Variants in COL8A1 observed in about 807,000 individuals in gnomAD.
The protein encoded by COL8A1 is collagen type VIII alpha 1 chain.
COL8A1 carries 21 observed loss-of-function variants against 42.7 expected under a neutral mutation model. That is an observed-to-expected ratio of 0.49 (90% CI 0.35 to 0.71). COL8A1 has a LOEUF of 0.71. Ranked by LOEUF, COL8A1 falls within the 30% of genes least tolerant of loss-of-function variation. The pLI is 0.01. For missense variants in COL8A1, 788 were observed against 962.4 expected, an observed-to-expected ratio of 0.82 and a Z score of 2.40; for synonymous variants, 367 against 369.1, an observed-to-expected ratio of 0.99 and a Z score of 0.06.
chr3:99,693,221 A>G (rs564028186), intron 1 of COL8A1, among the ~76,000 whole-genome samples: 6 of 152,332 alleles, frequency 3.9e-5, no homozygotes, highest in African/African-American at 1.2e-4. Context: ...AGTATCGCAC[A>G]TGTAATTATG....
Position 99,716,926 on chromosome 3 carries a change from C to T in COL8A1, c.-128-27971C>T, listed in dbSNP as rs187208113. On this transcript the variant is annotated intron_variant, in intron 1 of 3. Transcript: ENST00000652472. Reference sequence around the variant, plus strand: ...GGGAACTCAAAATCCTAATTATTTCCAAGGGGTCTAATTCTTCAGCATTCA... The same window carrying T: ...GGGAACTCAAAATCCTAATTATTTCTAAGGGGTCTAATTCTTCAGCATTCA... Among the ~76,000 whole-genome samples the T allele has an allele frequency of 2.0e-5, 3 of 152,002 alleles. No homozygotes were observed. The East Asian group carries it at 5.8e-4, about 29-fold the overall frequency.
intron 1 of COL8A1, among the ~76,000 whole-genome samples, chr3:99,665,849 T>TTTTTA (rs1491574318): frequency 3.2e-5 from 4 of 126,414 alleles, no homozygotes; most frequent in African/African-American, 1.2e-4. Flanking sequence ...ACTTAGCTAA[T>TTTTTA]TTTTTTTTTT....
intron 1 of COL8A1, among the ~76,000 whole-genome samples, chr3:99,713,329 A>G (rs930680976): frequency 6.6e-6 from 1 of 152,094 alleles, no homozygotes; most frequent in East Asian, 1.9e-4. Flanking sequence ...CTCATGCCCC[A>G]CGTGCAGTCT....
rs867650772 is a variant in COL8A1, at chr3:99,752,700, A to C, written c.-4+7679A>C. 1.3e-3 allele frequency among the ~76,000 whole-genome samples: 120 copies of C among 93,174 alleles called. 2 individuals are homozygous for C. The highest frequency in any genetic ancestry group is 5.3e-3 in the South Asian group (14 of 2,656). 61.1% of individuals were successfully genotyped at this position (93,174 alleles called of 152,430 possible). ...CCTCACGCCCCCCACATGCCCCCCC[A>C]CACACACATGCATGTACACATATGC... On this transcript the variant is annotated intron_variant, in intron 2 of 3. Coordinates refer to ENST00000652472, the MANE Select transcript of COL8A1 (RefSeq NM_020351.4).
intron 1 of COL8A1, among the ~76,000 whole-genome samples, chr3:99,667,238 A>C (rs1336971446): frequency 6.6e-6 from 1 of 152,132 alleles, no homozygotes; most frequent in Non-Finnish European, 1.5e-5. Flanking sequence ...GTTTTGAGCC[A>C]TGGAACTATT....
chr3:99,653,743 C>T (rs1195052527), intron 1 of COL8A1, among the ~76,000 whole-genome samples: 1 of 150,788 alleles, frequency 6.6e-6, no homozygotes. Flanking sequence ...ATCCTAGATG[C>T]ATCCTGGCCC....
At chr3:99,692,688 A>C (rs1939255111) in intron 1 of COL8A1, among the ~76,000 whole-genome samples, 1 of 152,236 alleles carries the variant, frequency 6.6e-6, no homozygotes, top group African/African-American at 2.4e-5. Flanking sequence ...AGCTATATAA[A>C]GACGTTTTGG....
At chr3:99,701,186 A>G (rs575262180) in intron 1 of COL8A1, among the ~76,000 whole-genome samples, 2 of 152,334 alleles carry the variant, frequency 1.3e-5, no homozygotes, top group South Asian at 2.1e-4. Flanking sequence ...AGTTTAGTCT[A>G]TTAAGAAAAA....
At chr3:99,733,571 C>T (rs1331688255) in intron 1 of COL8A1, among the ~76,000 whole-genome samples, 1 of 152,004 alleles carries the variant, frequency 6.6e-6, no homozygotes, top group African/African-American at 2.4e-5. Context: ...GGGTTGGGTC[C>T]AAGTCTTTGC....
intron 1 of COL8A1, among the ~76,000 whole-genome samples, chr3:99,654,914 A>G (rs181145047): frequency 2.0e-5 from 3 of 152,252 alleles, no homozygotes; most frequent in East Asian, 1.9e-4. Flanking sequence ...CTCAAGTTCT[A>G]TTATCTCAGT....
At chr3:99,758,093 ATCTT>A (rs1941294895) in intron 2 of COL8A1, among the ~76,000 whole-genome samples, 1 of 152,128 alleles carries the variant, frequency 6.6e-6, no homozygotes, top group East Asian at 1.9e-4. Flanking sequence ...GATAAAATAA[ATCTT>A]TCTCATCTCG....
At chr3:99,712,750 G>A (rs1939876772) in intron 1 of COL8A1, among the ~76,000 whole-genome samples, 1 of 152,056 alleles carries the variant, frequency 6.6e-6, no homozygotes, top group Non-Finnish European at 1.5e-5. Flanking sequence ...TCCAAAAGTG[G>A]AGTGACTTAT....
intron 1 of COL8A1, among the ~76,000 whole-genome samples, chr3:99,669,278 G>A (rs1576422552): frequency 6.6e-6 from 1 of 151,688 alleles, no homozygotes; most frequent in Non-Finnish European, 1.5e-5. Context: ...AAGCACAGGG[G>A]CAGTAGAATC....
chr3:99,702,782 A>C lies in COL8A1; in HGVS notation c.-128-42115A>C, dbSNP rs1292122378. 2.6e-5 allele frequency among the ~76,000 whole-genome samples: 4 copies of C among 152,376 alleles called. No homozygotes were observed. The East Asian group carries it at 7.7e-4, about 29-fold the overall frequency. ...AGTCAGAGTTAGCAAGCAAGCAAGT[A>C]TATGCAGAATGTGTCTGATGGTGTA... On this transcript the variant is annotated intron_variant, in intron 1 of 3. Transcript: ENST00000652472.
At chr3:99,733,253 T>G (rs965275439) in intron 1 of COL8A1, among the ~76,000 whole-genome samples, 1 of 150,470 alleles carries the variant, frequency 6.6e-6, no homozygotes, top group African/African-American at 2.5e-5. Context: ...ACCCACTAAC[T>G]CATCATCTAG....
intron 2 of COL8A1, among the ~76,000 whole-genome samples, chr3:99,754,474 G>C (rs935755803): frequency 6.6e-6 from 1 of 151,874 alleles, no homozygotes; most frequent in Admixed American, 6.6e-5. Context: ...AAAGAAGCCA[G>C]GACAAGAGGT....
intron 1 of COL8A1, chr3:99,675,743 A>G (rs572275929): frequency 6.6e-6 from 1 of 152,604 alleles, no homozygotes; most frequent in East Asian, 1.9e-4. Context: ...AATATTAATT[A>G]GATATTTGCG....
intron 1 of COL8A1, among the ~76,000 whole-genome samples, chr3:99,642,068 T>C (rs186475319): frequency 6.1e-4 from 93 of 152,276 alleles, no homozygotes; most frequent in Middle Eastern, 3.4e-3. Flanking sequence ...ATGAAGAAGA[T>C]CTTCCAGTGA....
intron 2 of COL8A1, among the ~76,000 whole-genome samples, chr3:99,747,377 A>G (rs558662223): frequency 6.6e-6 from 1 of 152,344 alleles, no homozygotes; most frequent in East Asian, 1.9e-4. Flanking sequence ...AATTATTCCC[A>G]TTTTTTGTTC....
Sources: allele counts gnomAD v4.1 joint callset (sites outside exome capture counted in the v4.1 genomes callset), GRCh38; gene constraint gnomAD v4.1.1; transcripts MANE v1.5; gene names NCBI Gene and HGNC (gene_info 2026-07-23, HGNC 2026-07-21).